Variants in KIF24 observed in about 807,000 individuals in gnomAD.
KIF24 encodes the protein kinesin family member 24.
KIF24 carries 81 observed loss-of-function variants against 118.9 expected under a neutral mutation model. The ratio of observed to expected loss-of-function variants is 0.68; its 90% CI spans 0.57 to 0.82. The LOEUF is 0.82. Among genes scored for constraint, KIF24 ranks in the 40% least tolerant of loss-of-function variants. KIF24 has a pLI of 0.00. For synonymous variants in KIF24, 599 were observed against 610.0 expected (o/e 0.98, Z 0.27); for missense variants, 1,560 against 1,661.6 (o/e 0.94, Z 1.06).
At chr9:34,282,640 C>G (rs1333785734) in intron 6 of KIF24, 1 of 151,690 alleles carries the variant, frequency 6.6e-6, no homozygotes, top group East Asian at 1.9e-4. Context: ...TTGAATAGAA[C>G]ATGTTAAACT....
intron 7 of KIF24, among the ~76,000 whole-genome samples, chr9:34,269,698 C>T (rs952941336): frequency 6.6e-6 from 1 of 151,890 alleles, no homozygotes; most frequent in African/African-American, 2.4e-5. Flanking sequence ...GGATTACAGG[C>T]ATGAGCCACC....
At chr9:34,325,540 G>T (rs1587979586) in intron 1 of KIF24, among the ~76,000 whole-genome samples, 3 of 151,708 alleles carry the variant, frequency 2.0e-5, no homozygotes, top group African/African-American at 7.3e-5. Context: ...AAAAAATACA[G>T]AAATTAGCTG....
Position 34,256,114 on chromosome 9 carries a change from C to CGTG in KIF24, c.3490_3492dup (p.His1164dup). ...TCATACTGCTCACTACCCATGTGTTCGTGGGAGAAAAGTACAGTCTCTCTG... is the reference window on the plus strand; with the variant it reads ...TCATACTGCTCACTACCCATGTGTTCGTGGTGGGAGAAAAGTACAGTCTCTCTG... On this transcript the variant is annotated inframe_insertion, in exon 11 of 13. Coordinates refer to ENST00000402558, the MANE Select transcript of KIF24 (RefSeq NM_194313.4). 1 of 1,610,240 alleles carries CGTG rather than the reference C, an allele frequency of 6.2e-7. No homozygotes were observed. Among genetic ancestry groups the CGTG allele is most frequent in the Non-Finnish European group, 8.5e-7 (1 of 1,176,888 alleles).
In KIF24 at chr9:34,257,068, T is replaced by C. The variant is rs775473658; in HGVS notation, c.2539A>G (p.Thr847Ala). The C allele has an allele frequency of 6.2e-7, 1 of 1,614,012 alleles. No individual in the cohort carries two copies. Among genetic ancestry groups the C allele is most frequent in the Non-Finnish European group, 8.5e-7 (1 of 1,179,880 alleles). The change falls in exon 11 of 13, where the codon ACC becomes GCC. Residue 847 changes from threonine (T) to alanine (A), a missense_variant. Physicochemically the swap from Thr to Ala is moderately conservative, Grantham distance 58 (BLOSUM62 0). Coordinates refer to ENST00000402558, the MANE Select transcript of KIF24 (RefSeq NM_194313.4). Reference sequence around the variant, plus strand: ...AATGAGTCTTCGCTATTCTCCAGGGTGTTCCTTTGCTTTGTGGCCCTCTGA... The same window carrying C: ...AATGAGTCTTCGCTATTCTCCAGGGCGTTCCTTTGCTTTGTGGCCCTCTGA... ...SSQRATKQRN[T>A]LENSEDSFFL...
At chr9:34,286,730 A>G (rs201979444) in intron 5 of KIF24, 26 bp from the exon 6 acceptor site, 3 of 1,500,980 alleles carry the variant, frequency 2.0e-6, no homozygotes, top group Non-Finnish European at 2.8e-6. Context: ...AGTGGTTGGT[A>G]TGATGGTGCT....
chr9:34,322,109 C>G (rs1337555126), intron 1 of KIF24, among the ~76,000 whole-genome samples: 2 of 152,006 alleles, frequency 1.3e-5, no homozygotes, highest in Non-Finnish European at 2.9e-5. Context: ...ATTAAAAATA[C>G]CCAGTTCCTG....
chr9:34,254,537 G>A lies in KIF24; in HGVS notation c.3967-17C>T. On this transcript the variant is annotated splice_polypyrimidine_tract_variant and intron_variant, in intron 12 of 12. Coordinates refer to ENST00000402558, the MANE Select transcript of KIF24 (RefSeq NM_194313.4). ...TTCAAAATCCTGAGAAGGAAACAAG[G>A]GACGAATACAGCTTTTGCTCTTGCT... The A allele has an allele frequency of 1.2e-6, 2 of 1,611,504 alleles. No individual in the cohort carries two copies. The highest frequency in any genetic ancestry group is 2.2e-5 in the South Asian group (2 of 90,932).
intron 6 of KIF24, among the ~76,000 whole-genome samples, chr9:34,279,796 C>A (rs1336715926): frequency 4.6e-5 from 7 of 152,158 alleles, no homozygotes; most frequent in Non-Finnish European, 8.8e-5. Flanking sequence ...GCTGTTGTTT[C>A]AAGTCAATAA....
intron 6 of KIF24, among the ~76,000 whole-genome samples, chr9:34,277,756 A>G (rs1835708662): frequency 6.6e-6 from 1 of 152,348 alleles, no homozygotes; most frequent in African/African-American, 2.4e-5. Flanking sequence ...TGCCTTCCAG[A>G]AACTATATAA....
At chr9:34,254,626 A>G (rs1834748204) in intron 12 of KIF24, 106 bp from the exon 13 acceptor site, 2 of 1,171,660 alleles carry the variant, frequency 1.7e-6, no homozygotes, top group Non-Finnish European at 2.4e-6. Flanking sequence ...AACCCAGGCC[A>G]CTCTTCCAGC....
chr9:34,269,264 AGACTCT>A lies in KIF24; in HGVS notation c.1430_1435del (p.Gln477_Ser478del), dbSNP rs1353830287. On this transcript the variant is annotated inframe_deletion, in exon 8 of 13. Coordinates refer to ENST00000402558, the MANE Select transcript of KIF24 (RefSeq NM_194313.4). ...AGATTTTGAACAACTTACAGCCAGTAGACTCTGATTTATTTCTGCACCTTCCATCTT... is the reference window on the plus strand; with the variant it reads ...AGATTTTGAACAACTTACAGCCAGTAGATTTATTTCTGCACCTTCCATCTT... The A allele has an allele frequency of 6.3e-7, 1 of 1,594,040 alleles. No individual in the cohort carries two copies. The highest frequency in any genetic ancestry group is 1.1e-5 in the South Asian group (1 of 90,176).
intron 4 of KIF24, among the ~76,000 whole-genome samples, chr9:34,294,717 C>G (rs1439881177): frequency 1.3e-5 from 2 of 152,156 alleles, no homozygotes; most frequent in Admixed American, 1.3e-4. Flanking sequence ...TAATATAAAA[C>G]ACCATTATGC....
intron 5 of KIF24, among the ~76,000 whole-genome samples, chr9:34,287,482 G>C (rs1410001380): frequency 1.3e-5 from 2 of 152,192 alleles, no homozygotes; most frequent in East Asian, 3.8e-4. Flanking sequence ...GATCCACTGA[G>C]AGGCATATGT....
chr9:34,271,719 T>C, intron 7 of KIF24, 90 bp downstream of exon 7: 1 of 1,395,756 alleles, frequency 7.2e-7, no homozygotes. Context: ...AACTCCATGG[T>C]AGCAGGGTAT....
chr9:34,317,849 A>G (rs1837378556), intron 1 of KIF24, among the ~76,000 whole-genome samples: 1 of 152,248 alleles, frequency 6.6e-6, no homozygotes, highest in African/African-American at 2.4e-5. Context: ...AAGTGAAAGA[A>G]TGAAAGTTCT....
intron 3 of KIF24, among the ~76,000 whole-genome samples, chr9:34,299,223 C>T (rs1244842335): frequency 6.6e-6 from 1 of 151,920 alleles, no homozygotes; most frequent in African/African-American, 2.4e-5. Flanking sequence ...CTCTGTTGCC[C>T]AGGCTGGAGT....
At chr9:34,263,726 AT>A (rs1348094563) in intron 8 of KIF24, among the ~76,000 whole-genome samples, 1 of 141,238 alleles carries the variant, frequency 7.1e-6, no homozygotes, top group East Asian at 2.2e-4. Context: ...CGTTTTATTT[AT>A]TTTTTTCTTA....
At chr9:34,292,569 G>A (rs1191014399) in intron 4 of KIF24, among the ~76,000 whole-genome samples, 3 of 152,160 alleles carry the variant, frequency 2.0e-5, no homozygotes, top group Non-Finnish European at 4.4e-5. Flanking sequence ...GAGGCTGGAG[G>A]TGGGCAGAGA....
intron 4 of KIF24, among the ~76,000 whole-genome samples, chr9:34,291,204 G>C (rs1836241978): frequency 1.3e-5 from 2 of 152,290 alleles, no homozygotes; most frequent in South Asian, 4.1e-4. Context: ...AAGTATTTGA[G>C]GAAGGACTCA....
Sources: gnomAD v4.1 joint callset for allele counts (sites outside exome capture counted in the v4.1 genomes callset) on GRCh38, gnomAD v4.1.1 for gene constraint, MANE v1.5 for transcripts, NCBI Gene and HGNC (gene_info 2026-07-23, HGNC 2026-07-21) for gene names.